Variants in EYS observed in about 807,000 individuals in gnomAD.
The protein encoded by EYS is protein eyes shut homolog.
EYS carries 250 observed loss-of-function variants against 282.1 expected under a neutral mutation model. The ratio of observed to expected loss-of-function variants is 0.89; its 90% CI spans 0.80 to 0.98. EYS has a LOEUF of 0.98. EYS is among the 50% of genes least tolerant of loss of function. The pLI is 0.00. For missense variants in EYS, 4,016 were observed against 3,709.0 expected, an observed-to-expected ratio of 1.08 and a Z score of -2.15; for synonymous variants, 1,355 against 1,282.9, an observed-to-expected ratio of 1.06 and a Z score of -1.20.
intron 2 of EYS, among the ~76,000 whole-genome samples, chr6:65,535,676 T>C (rs1767937982): frequency 6.6e-6 from 1 of 152,184 alleles, no homozygotes; most frequent in African/African-American, 2.4e-5. Flanking sequence ...CTGAAGGCTG[T>C]TACCAGAGGA....
At chr6:65,697,440 G>T (rs531383433) in intron 1 of EYS, among the ~76,000 whole-genome samples, 2 of 151,916 alleles carry the variant, frequency 1.3e-5, no homozygotes, top group African/African-American at 2.4e-5. Flanking sequence ...ATTTGTGCAG[G>T]TAGTCTTTCA....
chr6:63,948,654 T>C (rs1381889779), intron 35 of EYS, among the ~76,000 whole-genome samples: 1 of 151,344 alleles, frequency 6.6e-6, no homozygotes, highest in African/African-American at 2.4e-5. Context: ...CCTGAACCAA[T>C]TTTTTTTTCT....
intron 12 of EYS, among the ~76,000 whole-genome samples, chr6:65,091,436 C>G (rs115930871): frequency 7.3e-6 from 1 of 136,498 alleles, no homozygotes; most frequent in Non-Finnish European, 1.6e-5. Flanking sequence ...GGTGAGAGAG[C>G]GAGACTACAT....
At chr6:65,317,496 G>A (rs1416965786) in intron 11 of EYS, among the ~76,000 whole-genome samples, 1 of 152,138 alleles carries the variant, frequency 6.6e-6, no homozygotes, top group Admixed American at 6.5e-5. Flanking sequence ...TAAAATGAAT[G>A]TCTTTGATTC....
chr6:64,917,185 G>T (rs1034340372), intron 15 of EYS, among the ~76,000 whole-genome samples: 2 of 151,670 alleles, frequency 1.3e-5, no homozygotes, highest in South Asian at 4.1e-4. Flanking sequence ...GGTGGCGGAG[G>T]CTGCAGTGAG....
intron 1 of EYS, among the ~76,000 whole-genome samples, chr6:65,665,204 G>A (rs1056281234): frequency 6.6e-6 from 1 of 152,058 alleles, no homozygotes; most frequent in Non-Finnish European, 1.5e-5. Context: ...TTCAAATATC[G>A]AAAATCCATA....
chr6:65,148,935 G>A (rs1007128984), intron 12 of EYS, among the ~76,000 whole-genome samples: 57 of 152,094 alleles, frequency 3.7e-4, no homozygotes, highest in African/African-American at 1.4e-3. Context: ...CATGGTTGGA[G>A]ATGAAGCTGC....
rs112262974 is a variant in EYS, at chr6:65,355,974, C to T, written c.1300-2357G>A. On this transcript the variant is annotated intron_variant, in intron 8 of 42. Coordinates refer to ENST00000503581, the MANE Select transcript of EYS (RefSeq NM_001142800.2). The stretch of plus-strand genomic sequence containing the variant: ...TGATTTGATCCAGCAATTGCACTAC[C>T]GGATATCTGCGCAAAGGAAAAGAAA... Among the ~76,000 whole-genome samples the T allele has an allele frequency of 3.5e-3, 525 of 152,030 alleles. 6 individuals carry two copies. Among genetic ancestry groups the T allele is most frequent in the African/African-American group, 0.012 (502 of 41,488 alleles).
intron 36 of EYS, among the ~76,000 whole-genome samples, chr6:63,818,125 C>G (rs1224025081): frequency 6.6e-6 from 1 of 152,078 alleles, no homozygotes; most frequent in Non-Finnish European, 1.5e-5. Context: ...TAAATTATAA[C>G]AAATGTTTTG....
chr6:64,533,008 C>G (rs2149794504), intron 26 of EYS, among the ~76,000 whole-genome samples: 1 of 152,056 alleles, frequency 6.6e-6, no homozygotes, highest in East Asian at 1.9e-4. Context: ...GGTATGTCAA[C>G]AGAGATTGAA....
At chr6:64,659,086 C>T (rs1317998672) in intron 22 of EYS, among the ~76,000 whole-genome samples, 1 of 151,978 alleles carries the variant, frequency 6.6e-6, no homozygotes, top group Non-Finnish European at 1.5e-5. Context: ...GAAACTCACT[C>T]AAAACCGCTC....
At chr6:63,934,583 G>A (rs1246717660) in intron 35 of EYS, among the ~76,000 whole-genome samples, 1 of 152,152 alleles carries the variant, frequency 6.6e-6, no homozygotes, top group African/African-American at 2.4e-5. Context: ...AAAGTGATGA[G>A]TTCATGTCCT....
chr6:64,162,425 CCT>C (rs1775135586), intron 31 of EYS, among the ~76,000 whole-genome samples: 1 of 152,054 alleles, frequency 6.6e-6, no homozygotes, highest in East Asian at 1.9e-4. Flanking sequence ...AGTTTTCAGC[CCT>C]CTGTTTCTCC....
intron 29 of EYS, among the ~76,000 whole-genome samples, chr6:64,319,083 A>G (rs1770095706): frequency 6.6e-6 from 1 of 151,542 alleles, no homozygotes. Flanking sequence ...CTTTCTCTTT[A>G]TATTGTTATT....
intron 19 of EYS, among the ~76,000 whole-genome samples, chr6:64,874,849 C>A (rs1454757741): frequency 6.6e-6 from 1 of 151,946 alleles, no homozygotes; most frequent in Non-Finnish European, 1.5e-5. Flanking sequence ...TGCCTGTATG[C>A]TAAGGTAGTT....
intron 24 of EYS, among the ~76,000 whole-genome samples, chr6:64,605,863 A>G (rs1222576674): frequency 1.3e-5 from 2 of 151,958 alleles, no homozygotes; most frequent in Admixed American, 6.6e-5. Context: ...GAAATTTAAA[A>G]CTTTCTTTTT....
chr6:65,063,880 T>C (rs2150161164), intron 12 of EYS, among the ~76,000 whole-genome samples: 2 of 151,924 alleles, frequency 1.3e-5, no homozygotes, highest in East Asian at 3.9e-4. Flanking sequence ...TCACTGGTAC[T>C]GATAGAAGCC....
chr6:64,656,856 G>C (rs1372436048), intron 22 of EYS, among the ~76,000 whole-genome samples: 1 of 152,188 alleles, frequency 6.6e-6, no homozygotes, highest in Non-Finnish European at 1.5e-5. Flanking sequence ...GAAATTGGCT[G>C]TAAAAGGTTG....
chr6:64,319,725 G>GGACGGATGGATGGATGGATA (rs1554143201), intron 29 of EYS, among the ~76,000 whole-genome samples: 1 of 151,198 alleles, frequency 6.6e-6, no homozygotes, highest in Non-Finnish European at 1.5e-5. Context: ...ATGGATGGAT[G>GGACGGATGGATGGATGGATA]GATAGACAGA....
Sources: gnomAD v4.1 joint callset for allele counts (sites outside exome capture counted in the v4.1 genomes callset) on GRCh38, gnomAD v4.1.1 for gene constraint, MANE v1.5 for transcripts, NCBI Gene and HGNC (gene_info 2026-07-23, HGNC 2026-07-21) for gene names.